The following KCNH8 variants were observed in gnomAD, a reference collection of about 807,000 sequenced individuals.
KCNH8 encodes the protein potassium voltage-gated channel subfamily H member 8.
KCNH8 carries 70 observed loss-of-function variants against 103.6 expected under a neutral mutation model. The observed-to-expected ratio is 0.68, with a 90% CI of 0.56 to 0.82. The LOEUF is 0.82. KCNH8 is among the 40% of genes least tolerant of loss of function. KCNH8 has a pLI of 0.00. For missense variants in KCNH8, 1,217 were observed against 1,329.9 expected, an observed-to-expected ratio of 0.92 and a Z score of 1.32; for synonymous variants, 498 against 489.4, an observed-to-expected ratio of 1.02 and a Z score of -0.23.
chr3:19,239,413 T>A (rs575712388), intron 1 of KCNH8, among the ~76,000 whole-genome samples: 1 of 152,260 alleles, frequency 6.6e-6, no homozygotes, highest in South Asian at 2.1e-4. Context: ...TAGCTCTCTT[T>A]TAATAGAAAT....
intron 3 of KCNH8, among the ~76,000 whole-genome samples, chr3:19,290,998 C>A (rs2064913911): frequency 6.6e-6 from 1 of 152,178 alleles, no homozygotes; most frequent in Admixed American, 6.5e-5. Context: ...AGGAATTTAT[C>A]CATTTCTTCC....
intron 11 of KCNH8, among the ~76,000 whole-genome samples, chr3:19,488,871 G>A (rs1268713538): frequency 6.6e-6 from 1 of 152,116 alleles, no homozygotes; most frequent in East Asian, 1.9e-4. Context: ...AGCAGCTGGT[G>A]GCAATCAGCC....
intron 7 of KCNH8, among the ~76,000 whole-genome samples, chr3:19,409,905 C>G (rs923304364): frequency 2.0e-5 from 3 of 152,072 alleles, no homozygotes; most frequent in Non-Finnish European, 4.4e-5. Context: ...AAGACTTAGA[C>G]AGCCACACAA....
intron 3 of KCNH8, among the ~76,000 whole-genome samples, chr3:19,306,277 A>T (rs2065129378): frequency 6.6e-6 from 1 of 152,132 alleles, no homozygotes; most frequent in Non-Finnish European, 1.5e-5. Context: ...AAAAACCTAA[A>T]CTAAACTAAA....
chr3:19,502,442 C>T (rs1188199515), intron 11 of KCNH8, among the ~76,000 whole-genome samples: 14 of 151,828 alleles, frequency 9.2e-5, no homozygotes, highest in East Asian at 7.7e-4. Flanking sequence ...CATATGGAAC[C>T]GAAAAAGAGC....
Position 19,445,859 on chromosome 3 carries a change from T to C in KCNH8, c.1376-4247T>C, listed in dbSNP as rs139117640. Among the ~76,000 whole-genome samples the C allele has an allele frequency of 1.7e-3, 256 of 152,098 alleles. 1 individual carries two copies. The highest frequency in any genetic ancestry group is 5.8e-3 in the African/African-American group (239 of 41,526). On this transcript the variant is annotated intron_variant, in intron 8 of 15. Transcript: ENST00000328405. ...CACATTGCAGTTCCATAAATATTTA[T>C]GGCATACTTAAATTATGCCAAGAGC...
chr3:19,499,146 G>A (rs1333515355), intron 11 of KCNH8, among the ~76,000 whole-genome samples: 1 of 152,196 alleles, frequency 6.6e-6, no homozygotes, highest in East Asian at 1.9e-4. Flanking sequence ...GAGGAATGCA[G>A]AAGCCTCAGG....
Position 19,207,963 on chromosome 3 carries a change from A to T in KCNH8, c.77-45691A>T, listed in dbSNP as rs540951311. ...TAATTGGTATGGATTTCAAGATTTA[A>T]AAAAAAATGTATTTCAGGGTGCTCA... On this transcript the variant is annotated intron_variant, in intron 1 of 15. Transcript: ENST00000328405. Among the ~76,000 whole-genome samples the T allele has an allele frequency of 1.1e-3, 168 of 151,824 alleles. 1 individual carries two copies. Among genetic ancestry groups the T allele is most frequent in the African/African-American group, 3.7e-3 (154 of 41,408 alleles).
At chr3:19,470,777 G>A (rs2067839312) in intron 11 of KCNH8, among the ~76,000 whole-genome samples, 2 of 152,178 alleles carry the variant, frequency 1.3e-5, no homozygotes, top group Admixed American at 6.5e-5. Flanking sequence ...CCTTTGTGCT[G>A]TGGCATTATA....
chr3:19,372,641 A>T (rs76350191), intron 5 of KCNH8, among the ~76,000 whole-genome samples: 44,719 of 151,940 alleles, frequency 0.29, 7,216 homozygotes, highest in African/African-American at 0.42. Context: ...AGAACTTCCA[A>T]CACTATGTTG....
At chr3:19,425,925 CT>C (rs1486837785) in intron 7 of KCNH8, among the ~76,000 whole-genome samples, 3 of 152,098 alleles carry the variant, frequency 2.0e-5, no homozygotes, top group Admixed American at 6.5e-5. Flanking sequence ...TTGAAAATTG[CT>C]GTAATATTAC....
intron 10 of KCNH8, among the ~76,000 whole-genome samples, chr3:19,452,503 A>G (rs2067464383): frequency 6.6e-6 from 1 of 152,138 alleles, no homozygotes; most frequent in East Asian, 1.9e-4. Context: ...AATGGCCAAA[A>G]TCCTTGCCTG....
chr3:19,216,019 A>G (rs1294402037), intron 1 of KCNH8, among the ~76,000 whole-genome samples: 1 of 152,254 alleles, frequency 6.6e-6, no homozygotes, highest in Non-Finnish European at 1.5e-5. Context: ...GGAATTTAGA[A>G]TAATGGGCAT....
intron 3 of KCNH8, among the ~76,000 whole-genome samples, chr3:19,331,803 A>T (rs193142125): frequency 1.9e-4 from 29 of 152,244 alleles, no homozygotes; most frequent in African/African-American, 6.7e-4. Flanking sequence ...ATTGATTGTA[A>T]TCACTCTGTT....
chr3:19,272,070 G>GT (rs1326385497), intron 2 of KCNH8, among the ~76,000 whole-genome samples: 1 of 152,038 alleles, frequency 6.6e-6, no homozygotes, highest in African/African-American at 2.4e-5. Context: ...AATTGGAAAG[G>GT]TTTTTCCTGG....
intron 1 of KCNH8, among the ~76,000 whole-genome samples, chr3:19,154,490 C>T (rs746260079): frequency 8.5e-5 from 13 of 152,190 alleles, no homozygotes; most frequent in Non-Finnish European, 1.9e-4. Flanking sequence ...AAATGCTCAA[C>T]CTTCCCATGT....
chr3:19,520,400 C>T (rs2068951391), intron 15 of KCNH8, among the ~76,000 whole-genome samples: 1 of 151,944 alleles, frequency 6.6e-6, no homozygotes, highest in Non-Finnish European at 1.5e-5. Flanking sequence ...ATCCTTCACA[C>T]ATAATTTAAT....
intron 3 of KCNH8, among the ~76,000 whole-genome samples, chr3:19,332,151 A>C (rs1455393540): frequency 6.6e-6 from 1 of 151,004 alleles, no homozygotes; most frequent in African/African-American, 2.4e-5. Flanking sequence ...AGGTTCACTT[A>C]CAGTTCTCCA....
intron 2 of KCNH8, among the ~76,000 whole-genome samples, chr3:19,278,317 G>GAAAAGCATA (rs1463735882): frequency 1.3e-5 from 2 of 151,022 alleles, no homozygotes; most frequent in African/African-American, 4.9e-5. Flanking sequence ...AATTGAGAAA[G>GAAAAGCATA]AAAAGCATAA....
Sources: allele counts gnomAD v4.1 joint callset (sites outside exome capture counted in the v4.1 genomes callset), GRCh38; gene constraint gnomAD v4.1.1; transcripts MANE v1.5; gene names NCBI Gene and HGNC (gene_info 2026-07-23, HGNC 2026-07-21).